Variants in CPA6 observed in about 807,000 individuals in gnomAD.
The protein encoded by CPA6 is carboxypeptidase A6.
Under a neutral mutation model 63.3 loss-of-function variants are expected in CPA6, and 58 were observed. The observed-to-expected ratio is 0.92, with a 90% CI of 0.74 to 1.14. The LOEUF is 1.14. Among genes scored for constraint, CPA6 ranks in the 50% most tolerant of loss-of-function variants. CPA6 has a pLI of 0.00. For missense variants in CPA6, 565 were observed against 526.6 expected (o/e 1.07, Z -0.71); for synonymous variants, 185 against 179.0 (o/e 1.03, Z -0.27).
intron 2 of CPA6, among the ~76,000 whole-genome samples, chr8:67,539,369 C>T (rs762816326): frequency 5.9e-5 from 9 of 152,204 alleles, no homozygotes; most frequent in Non-Finnish European, 7.3e-5. Flanking sequence ...GACATCCGCT[C>T]TTAGTCTGAT....
intron 1 of CPA6, among the ~76,000 whole-genome samples, chr8:67,686,894 C>T (rs537449049): frequency 6.6e-6 from 1 of 152,178 alleles, no homozygotes; most frequent in Non-Finnish European, 1.5e-5. Context: ...TTTATATGTT[C>T]AGCGTGGGAG....
At chr8:67,656,446 G>C (rs1815987072) in intron 1 of CPA6, among the ~76,000 whole-genome samples, 1 of 152,116 alleles carries the variant, frequency 6.6e-6, no homozygotes, top group South Asian at 2.1e-4. Flanking sequence ...TCCAGACCTT[G>C]GTCACTTCTA....
chr8:67,613,172 C>G (rs1263345784), intron 2 of CPA6, among the ~76,000 whole-genome samples: 3 of 152,212 alleles, frequency 2.0e-5, no homozygotes, highest in African/African-American at 4.8e-5. Flanking sequence ...CATACCCTTG[C>G]CTATTTCATG....
intron 1 of CPA6, among the ~76,000 whole-genome samples, chr8:67,679,086 A>T (rs1816539179): frequency 6.6e-6 from 1 of 152,020 alleles, no homozygotes; most frequent in South Asian, 2.1e-4. Flanking sequence ...ACTCAAAGAA[A>T]CCTCTTGGTA....
chr8:67,659,802 ATAAG>A (rs1394833210), intron 1 of CPA6, among the ~76,000 whole-genome samples: 4 of 152,236 alleles, frequency 2.6e-5, no homozygotes, highest in African/African-American at 7.2e-5. Flanking sequence ...CACATTTATC[ATAAG>A]TAATAAATAA....
Position 67,541,022 on chromosome 8 carries a change from C to T in CPA6, c.193-22975G>A, listed in dbSNP as rs563146002. Among the ~76,000 whole-genome samples, 18 of 152,240 alleles carry T rather than the reference C, an allele frequency of 1.2e-4. 1 individual carries two copies. In the South Asian group the frequency reaches 3.7e-3, roughly 32 times the overall value. ...TTCTGGGGAGCGAATGTTTCTGTCT[C>T]ACTGGTGTTCCAGGCACCACTGGGA... is the stretch of plus-strand genomic sequence containing the variant. On this transcript the variant is annotated intron_variant, in intron 2 of 10. Coordinates refer to ENST00000297770, the MANE Select transcript of CPA6 (RefSeq NM_020361.5).
At chr8:67,683,674 C>G (rs754179299) in intron 1 of CPA6, among the ~76,000 whole-genome samples, 19 of 152,158 alleles carry the variant, frequency 1.2e-4, no homozygotes, top group Admixed American at 5.9e-4. Context: ...AAACCCTCTT[C>G]TTTATGCCTA....
At chr8:67,546,061 A>T (rs188903994) in intron 2 of CPA6, among the ~76,000 whole-genome samples, 8 of 152,148 alleles carry the variant, frequency 5.3e-5, no homozygotes, top group Non-Finnish European at 1.2e-4. Context: ...CTTTGCTGGA[A>T]GGTCTTGCTT....
intron 1 of CPA6, among the ~76,000 whole-genome samples, chr8:67,745,545 C>T (rs1285669159): frequency 1.3e-5 from 2 of 152,020 alleles, no homozygotes; most frequent in Non-Finnish European, 2.9e-5. Context: ...ATTTAAAAAT[C>T]TAATAACCAC....
At chr8:67,623,217 C>A (rs902055858) in intron 2 of CPA6, among the ~76,000 whole-genome samples, 4 of 152,096 alleles carry the variant, frequency 2.6e-5, no homozygotes, top group Admixed American at 2.6e-4. Flanking sequence ...AAAAGAGAAG[C>A]TCTAGAAAAC....
At chr8:67,517,857 ATACAAC>A in intron 3 of CPA6, 60 bp downstream of exon 3, 1 of 1,455,418 alleles carries the variant, frequency 6.9e-7, no homozygotes, top group South Asian at 1.5e-5. Flanking sequence ...AATAACCTAA[ATACAAC>A]TACCATTTGG....
At chr8:67,527,920 C>G (rs1040499737) in intron 2 of CPA6, among the ~76,000 whole-genome samples, 6 of 152,274 alleles carry the variant, frequency 3.9e-5, no homozygotes, top group Non-Finnish European at 8.8e-5. Flanking sequence ...TTGATCAAGC[C>G]GCTGAATCAT....
chr8:67,635,241 C>G (rs1318245589), intron 1 of CPA6, among the ~76,000 whole-genome samples: 2 of 151,418 alleles, frequency 1.3e-5, no homozygotes, highest in Non-Finnish European at 2.9e-5. Context: ...ACTGTGAACA[C>G]CACAAAAAAC....
At chr8:67,713,099 GTATATATATATATATATATATATA>G (rs67842734) in intron 1 of CPA6, among the ~76,000 whole-genome samples, 5 of 55,034 alleles carry the variant, frequency 9.1e-5, no homozygotes, top group Admixed American at 2.8e-4. Context: ...GTGTGTGTGT[GTATATATATATATATATATATATA>G]TATATATATA....
intron 1 of CPA6, among the ~76,000 whole-genome samples, chr8:67,660,663 T>C (rs1159622824): frequency 6.6e-6 from 1 of 151,972 alleles, no homozygotes; most frequent in African/African-American, 2.4e-5. Context: ...TTTTAACGAA[T>C]TGTAAGGGTG....
intron 1 of CPA6, among the ~76,000 whole-genome samples, chr8:67,695,554 A>G (rs2098873): frequency 0.47 from 71,485 of 152,138 alleles, 19,949 homozygotes; most frequent in African/African-American, 0.79. Context: ...CACTGCCATG[A>G]TATTCTACAC....
At chr8:67,584,607 T>C (rs977404035) in intron 2 of CPA6, among the ~76,000 whole-genome samples, 2 of 152,146 alleles carry the variant, frequency 1.3e-5, no homozygotes, top group Non-Finnish European at 2.9e-5. Context: ...GATAAATTAT[T>C]TTCTATTAAA....
At chr8:67,495,963 C>T (rs1811702417) in intron 6 of CPA6, among the ~76,000 whole-genome samples, 1 of 152,176 alleles carries the variant, frequency 6.6e-6, no homozygotes, top group African/African-American at 2.4e-5. Context: ...ATAGACTGTA[C>T]GTTGCTGCCT....
chr8:67,536,407 T>A (rs1000399538), intron 2 of CPA6, among the ~76,000 whole-genome samples: 1 of 152,222 alleles, frequency 6.6e-6, no homozygotes, highest in African/African-American at 2.4e-5. Flanking sequence ...GAAGAGGTCC[T>A]TCACATCCCT....
Sources: gnomAD v4.1 joint callset for allele counts (sites outside exome capture counted in the v4.1 genomes callset) on GRCh38, gnomAD v4.1.1 for gene constraint, MANE v1.5 for transcripts, NCBI Gene and HGNC (gene_info 2026-07-23, HGNC 2026-07-21) for gene names.